The following RANBP2 variants were observed in gnomAD, a reference collection of about 807,000 sequenced individuals.
RANBP2 encodes E3 SUMO-protein ligase RanBP2.
RANBP2 carries 57 observed loss-of-function variants against 303.6 expected under a neutral mutation model. That is an observed-to-expected ratio of 0.19 (90% confidence interval 0.15 to 0.23). The LOEUF (loss-of-function observed/expected upper bound fraction) is 0.23. Among genes scored for constraint, RANBP2 ranks in the 10% least tolerant of loss-of-function variants. The pLI, the probability that RANBP2 is intolerant of heterozygous loss-of-function variation, is 1.00. For missense variants in RANBP2, 3,138 were observed against 3,780.8 expected (o/e 0.83, Z 4.46); for synonymous variants, 1,167 against 1,301.5 (o/e 0.90, Z 2.23).
At chr2:109,280,418 G>A in the RANBP2 span, among the ~76,000 whole-genome samples, 3 of 152,154 alleles carry the variant, frequency 2.0e-5, no homozygotes, top group Non-Finnish European at 2.9e-5. Flanking sequence ...GCAGGGTGAT[G>A]GGGCCCCAGT....
downstream of RANBP2, chr2:108,788,686 C>T (rs1309818304): frequency 9.3e-6 from 5 of 538,492 alleles, no homozygotes; most frequent in South Asian, 2.4e-4. Context: ...CGCCACTGCA[C>T]TCCAGCCTGG....
At chr2:109,292,319 G>A in the RANBP2 span, among the ~76,000 whole-genome samples, 1 of 152,116 alleles carries the variant, frequency 6.6e-6, no homozygotes, top group Non-Finnish European at 1.5e-5. Context: ...TTAGTGTATT[G>A]GGGTTCCACA....
At chr2:109,565,429 T>C in the RANBP2 span, among the ~76,000 whole-genome samples, 1 of 151,752 alleles carries the variant, frequency 6.6e-6, no homozygotes, top group East Asian at 1.9e-4. Flanking sequence ...AATATATAAA[T>C]TTATAAGATG....
chr2:109,538,768 C>G, the RANBP2 span, among the ~76,000 whole-genome samples: 1 of 152,212 alleles, frequency 6.6e-6, no homozygotes, highest in Non-Finnish European at 1.5e-5. Flanking sequence ...GAACCACCCC[C>G]TCAGATTCCC....
the RANBP2 span, among the ~76,000 whole-genome samples, chr2:109,061,434 T>C: frequency 6.6e-6 from 1 of 152,186 alleles, no homozygotes. Context: ...CTCATCTCTT[T>C]GGGTCTGTGT....
At chr2:109,481,099 T>C in the RANBP2 span, among the ~76,000 whole-genome samples, 1 of 152,168 alleles carries the variant, frequency 6.6e-6, no homozygotes, top group Non-Finnish European at 1.5e-5. Context: ...AAAAAGAATC[T>C]GACAGCTGTT....
the RANBP2 span, among the ~76,000 whole-genome samples, chr2:109,536,387 GC>G: frequency 1.3e-5 from 2 of 152,348 alleles, no homozygotes; most frequent in South Asian, 4.1e-4. Context: ...TCGTTTTGGA[GC>G]TTTAAGATTT....
chr2:109,372,051 A>G, the RANBP2 span, among the ~76,000 whole-genome samples: 1 of 152,218 alleles, frequency 6.6e-6, no homozygotes, highest in Non-Finnish European at 1.5e-5. Context: ...CCAGAGGGGA[A>G]GAACCCGTCC....
chr2:108,722,402 A>C (rs1694334256), intron 1 of RANBP2, among the ~76,000 whole-genome samples: 1 of 152,002 alleles, frequency 6.6e-6, no homozygotes, highest in Non-Finnish European at 1.5e-5. Context: ...GGTGCTTTGG[A>C]TAGAAGGTAA....
chr2:109,089,100 A>T, the RANBP2 span, among the ~76,000 whole-genome samples: 1 of 150,464 alleles, frequency 6.6e-6, no homozygotes, highest in Non-Finnish European at 1.5e-5. Flanking sequence ...GAAGGTGAAC[A>T]GGAAGCCCCA....
the RANBP2 span, among the ~76,000 whole-genome samples, chr2:108,995,117 A>G: frequency 6.6e-6 from 1 of 152,080 alleles, no homozygotes; most frequent in Admixed American, 6.5e-5. Flanking sequence ...GGCATGAGCC[A>G]CCGTGCCCGG....
At chr2:108,819,357 G>T in the RANBP2 span, among the ~76,000 whole-genome samples, 7 of 152,072 alleles carry the variant, frequency 4.6e-5, no homozygotes, top group African/African-American at 1.7e-4. Flanking sequence ...ACAAAATAAT[G>T]GACTGCATGT....
chr2:109,505,909 G>A, the RANBP2 span, among the ~76,000 whole-genome samples: 1 of 152,192 alleles, frequency 6.6e-6, no homozygotes, highest in Non-Finnish European at 1.5e-5. Context: ...TGTCTGGAGA[G>A]GGTGCCTGGC....
the RANBP2 span, among the ~76,000 whole-genome samples, chr2:109,563,200 C>A: frequency 6.6e-6 from 1 of 152,184 alleles, no homozygotes; most frequent in African/African-American, 2.4e-5. Flanking sequence ...CCATGAACCA[C>A]CACACCCGGC....
chr2:108,803,249 G>T, the RANBP2 span, among the ~76,000 whole-genome samples: 1 of 152,178 alleles, frequency 6.6e-6, no homozygotes, highest in Non-Finnish European at 1.5e-5. Context: ...GCGGCTCAAA[G>T]TTGAGCCCAA....
rs1573819837 is a variant in RANBP2 at position 108,767,295 on chromosome 2, T to C, written c.6756T>C (p.Pro2252=). ...SVHASPLASS[P]VRKNLFRFGE... ...ATGCTTCTCCATTGGCAAGTAGCCC[T>C]GTGAGAAAAAATCTTTTCCGTTTTG... Residue 2252 remains proline (P), a synonymous_variant, in exon 20 of 29, where the codon CCT becomes CCC. Coordinates refer to ENST00000283195, the MANE Select transcript of RANBP2 (RefSeq NM_006267.5). 1 of 1,612,074 alleles carries C rather than the reference T, an allele frequency of 6.2e-7. No individual in the cohort carries two copies. Among genetic ancestry groups the C allele is most frequent in the Non-Finnish European group, 8.5e-7 (1 of 1,179,864 alleles).
At chr2:109,451,608 C>G in the RANBP2 span, among the ~76,000 whole-genome samples, 1 of 152,232 alleles carries the variant, frequency 6.6e-6, no homozygotes, top group Admixed American at 6.5e-5. Flanking sequence ...CTAATGAACA[C>G]CAGCTGAGTC....
chr2:108,769,691 T>C (rs1403605449), intron 20 of RANBP2, among the ~76,000 whole-genome samples: 1 of 152,080 alleles, frequency 6.6e-6, no homozygotes, highest in Non-Finnish European at 1.5e-5. Flanking sequence ...AGAGTGTCCC[T>C]GTAGGGCTGT....
chr2:108,764,996 G>A lies in RANBP2; in HGVS notation c.4457G>A (p.Ser1486Asn). 1.2e-6 allele frequency: 2 copies of A among 1,614,090 alleles called. No homozygotes were observed. Among genetic ancestry groups the A allele is most frequent in the Non-Finnish European group, 8.5e-7 (1 of 1,179,982 alleles). Residue 1486 changes from serine to asparagine, a missense_variant, in exon 20 of 29, where the codon AGT becomes AAT. Around this residue, in one of 20 missense-constraint regions of RANBP2, gnomAD observed 388 missense variants for 328.5 expected, o/e 1.18. Transcript: ENST00000283195. The stretch of plus-strand genomic sequence containing the variant: ...ACAAAGGAAGGACAGTGGGATTGCA[G>A]TGCATGTTTGGTACAAAATGAGGGG... ...FSTKEGQWDC[S>N]ACLVQNEGSS...
Sources: gnomAD v4.1 joint callset for allele counts (sites outside exome capture counted in the v4.1 genomes callset) on GRCh38, gnomAD v4.1.1 for gene constraint, gnomAD v4.1.1 regional missense constraint, MANE v1.5 for transcripts, NCBI Gene and HGNC (gene_info 2026-07-23, HGNC 2026-07-21) for gene names.